The following CYP39A1 variants were observed in gnomAD, a reference collection of about 807,000 sequenced individuals.
CYP39A1 encodes the protein cytochrome P450 family 39 subfamily A member 1.
In CYP39A1, 49 loss-of-function variants were observed where a neutral mutation model predicts 58.1. The ratio of observed to expected loss-of-function variants is 0.84; its 90% CI spans 0.67 to 1.07. CYP39A1 has a LOEUF of 1.07. CYP39A1 is among the 50% of genes least tolerant of loss of function. CYP39A1 has a pLI of 0.00. For synonymous variants in CYP39A1, 209 were observed against 187.6 expected, an observed-to-expected ratio of 1.11 and a Z score of -0.93; for missense variants, 531 against 539.4, an observed-to-expected ratio of 0.98 and a Z score of 0.16.
intron 5 of CYP39A1, among the ~76,000 whole-genome samples, chr6:46,634,071 G>C (rs1775816125): frequency 5.9e-5 from 9 of 152,190 alleles, no homozygotes; most frequent in Admixed American, 5.9e-4. Context: ...ATATGGTTTG[G>C]CTACGAAGCC....
At chr6:46,573,701 G>C (rs1424687153) in intron 10 of CYP39A1, among the ~76,000 whole-genome samples, 1 of 152,126 alleles carries the variant, frequency 6.6e-6, no homozygotes, top group Non-Finnish European at 1.5e-5. Context: ...AGAGTCCTGG[G>C]CTCAGGAGTG....
intron 10 of CYP39A1, among the ~76,000 whole-genome samples, chr6:46,577,717 C>T (rs1366445199): frequency 6.6e-6 from 1 of 152,088 alleles, no homozygotes; most frequent in Non-Finnish European, 1.5e-5. Context: ...TTAAATTCAA[C>T]AAGAAGAGTT....
At position 46,583,121 on chromosome 6, in the gene CYP39A1, T is replaced by C. The variant is rs117538493; in HGVS notation, c.1250+3956A>G. On this transcript the variant is annotated intron_variant, in intron 10 of 11. Transcript: ENST00000275016. Reference sequence around the variant, plus strand: ...TACACAAAAAGTAAAAATCACACTTTCTATTCCTGAGGAATCCATGCTTCA... The same window carrying C: ...TACACAAAAAGTAAAAATCACACTTCCTATTCCTGAGGAATCCATGCTTCA... 245 of 985,402 alleles carry C rather than the reference T, an allele frequency of 2.5e-4. 3 individuals carry two copies. In the East Asian group the frequency reaches 0.019, roughly 77 times the overall value. The allele number at this position is 985,402 out of a possible 1,614,324, so 61.0% of individuals were successfully genotyped here.
chr6:46,586,121 G>A, intron 10 of CYP39A1: 1 of 565,048 alleles, frequency 1.8e-6, no homozygotes, highest in Non-Finnish European at 2.2e-6. Context: ...CTATTTTAGG[G>A]GAAGCGTAAA....
chr6:46,616,525 G>C (rs1774619525), intron 7 of CYP39A1, among the ~76,000 whole-genome samples: 1 of 151,822 alleles, frequency 6.6e-6, no homozygotes, highest in Admixed American at 6.6e-5. Flanking sequence ...GAGCCATCAT[G>C]CCCACCCATT....
intron 7 of CYP39A1, among the ~76,000 whole-genome samples, chr6:46,596,592 T>A (rs999848086): frequency 6.6e-6 from 1 of 151,920 alleles, no homozygotes; most frequent in Admixed American, 6.6e-5. Flanking sequence ...AATCATTCAT[T>A]TCAAAAAAAC....
At position 46,623,020 on chromosome 6, in the gene CYP39A1, G is replaced by A. The variant is rs547694534; in HGVS notation, c.931+2398C>T. ...AGTTGGGCAAAGTGCCTAGAAGTGA[G>A]TGTTGAAGCCACAGAGATACAGCAT... is the stretch of plus-strand genomic sequence containing the variant. On this transcript the variant is annotated intron_variant, in intron 7 of 11. Coordinates refer to ENST00000275016, the MANE Select transcript of CYP39A1 (RefSeq NM_016593.5). Among the ~76,000 whole-genome samples the A allele has an allele frequency of 2.0e-4, 31 of 152,312 alleles. No individual in the cohort carries two copies. The South Asian group carries it at 6.0e-3, about 30-fold the overall frequency.
intron 7 of CYP39A1, among the ~76,000 whole-genome samples, chr6:46,603,467 T>C (rs149866270): frequency 6.6e-6 from 1 of 152,328 alleles, no homozygotes; most frequent in Non-Finnish European, 1.5e-5. Flanking sequence ...CCCAAAAGAA[T>C]GCAAGCATTT....
chr6:46,562,115 T>C (rs962183702), intron 10 of CYP39A1, among the ~76,000 whole-genome samples: 2 of 140,390 alleles, frequency 1.4e-5, no homozygotes, highest in Non-Finnish European at 2.9e-5. Flanking sequence ...CTCCGCCTCC[T>C]GGGTTCAAGT....
chr6:46,652,089 T>C (rs560692674), intron 1 of CYP39A1, among the ~76,000 whole-genome samples: 2 of 152,382 alleles, frequency 1.3e-5, no homozygotes, highest in Admixed American at 1.3e-4. Context: ...ACTTTATCTT[T>C]CCCAATTACT....
intron 6 of CYP39A1, among the ~76,000 whole-genome samples, chr6:46,627,186 T>A (rs973583474): frequency 2.6e-5 from 4 of 152,114 alleles, no homozygotes; most frequent in Admixed American, 6.5e-5. Flanking sequence ...CATTATCCAA[T>A]CACCTCCCAC....
Position 46,588,116 on chromosome 6 carries a change from G to A in CYP39A1, c.1079C>T (p.Pro360Leu), listed in dbSNP as rs1772585525. ...AGACAACATCAACAAGTCACCAGAA[G>A]GAATGATGTAATTCTATAACAGAAA... The part of the protein sequence containing the change: ...KPVEILNYII[P>L]SGDLLMLSPF... The change falls in exon 9 of 12, where the codon CCT (proline) becomes CTT (leucine). Residue 360 changes from proline (P) to leucine (L), a missense_variant. Transcript: ENST00000275016. 1 of 1,588,298 alleles carries A rather than the reference G, an allele frequency of 6.3e-7. No homozygotes were observed. The highest frequency in any genetic ancestry group is 8.6e-7 in the Non-Finnish European group (1 of 1,166,238).
At chr6:46,628,197 C>T (rs541655874) in intron 6 of CYP39A1, among the ~76,000 whole-genome samples, 6 of 152,244 alleles carry the variant, frequency 3.9e-5, no homozygotes, top group African/African-American at 9.6e-5. Context: ...AGTCTTCTAC[C>T]GATCATGGTA....
Position 46,642,284 on chromosome 6 carries a change from A to G in CYP39A1, c.192T>C (p.Phe64=). The part of the protein sequence containing the change: ...EKARIKYGPI[F]TVFAMGNRMT... ...TTCGGTTTCCCATAGCAAAGACTGT[A>G]AATATTGGTCCATACTGAAATAAAA... The change falls in exon 2 of 12, where the codon TTT becomes TTC. Residue 64 remains phenylalanine (F), a synonymous_variant. Transcript: ENST00000275016. The G allele has an allele frequency of 6.2e-7, 1 of 1,612,376 alleles. No individual in the cohort carries two copies. The highest frequency in any genetic ancestry group is 1.7e-4 in the Middle Eastern group (1 of 6,044).
intron 10 of CYP39A1, among the ~76,000 whole-genome samples, chr6:46,563,055 A>G (rs1329476192): frequency 1.3e-5 from 2 of 151,432 alleles, no homozygotes; most frequent in Non-Finnish European, 2.9e-5. Context: ...AAATCCAAAT[A>G]TTTGGATATT....
intron 7 of CYP39A1, among the ~76,000 whole-genome samples, chr6:46,618,444 A>G (rs887628763): frequency 1.3e-5 from 2 of 152,192 alleles, no homozygotes; most frequent in African/African-American, 4.8e-5. Flanking sequence ...AATTTCTAGG[A>G]ATTATACCCC....
At chr6:46,566,307 C>T (rs1008801907) in intron 10 of CYP39A1, among the ~76,000 whole-genome samples, 3 of 152,062 alleles carry the variant, frequency 2.0e-5, no homozygotes, top group Non-Finnish European at 4.4e-5. Context: ...TAAAGGACTG[C>T]CCAAGACTGG....
intron 7 of CYP39A1, among the ~76,000 whole-genome samples, chr6:46,616,964 T>C (rs893287777): frequency 2.0e-4 from 31 of 151,902 alleles, no homozygotes; most frequent in Admixed American, 1.8e-3. Context: ...GATCGATCAA[T>C]GGAACAAAAT....
chr6:46,638,577 C>T (rs1447279437), intron 3 of CYP39A1, among the ~76,000 whole-genome samples: 2 of 151,820 alleles, frequency 1.3e-5, no homozygotes, highest in Non-Finnish European at 1.5e-5. Context: ...TTTTATTTAC[C>T]ATCCCTTCAT....
Sources: allele counts gnomAD v4.1 joint callset (sites outside exome capture counted in the v4.1 genomes callset), GRCh38; gene constraint gnomAD v4.1.1; transcripts MANE v1.5; gene names NCBI Gene and HGNC (gene_info 2026-07-23, HGNC 2026-07-21).